The following NCOR1 variants were observed in gnomAD, a reference collection of about 807,000 sequenced individuals.
NCOR1 encodes the protein protein phosphatase 1, regulatory subunit 109.
Under a neutral mutation model 288.1 loss-of-function variants are expected in NCOR1, and 63 were observed. That is an observed-to-expected ratio of 0.22 (90% confidence interval 0.18 to 0.27). NCOR1 has a LOEUF of 0.27. NCOR1 is among the 10% of genes least tolerant of loss of function. The pLI is 1.00. For missense variants in NCOR1, 2,397 were observed against 3,019.2 expected (o/e 0.79, Z 4.83); for synonymous variants, 1,007 against 1,065.9 (o/e 0.94, Z 1.08).
intron 1 of NCOR1, among the ~76,000 whole-genome samples, chr17:16,203,916 G>T (rs1271929883): frequency 6.6e-6 from 1 of 152,030 alleles, no homozygotes; most frequent in African/African-American, 2.4e-5. Context: ...TCAATATTCA[G>T]CATTCAATAA....
chr17:16,187,437 A>T (rs2086898528), intron 2 of NCOR1, among the ~76,000 whole-genome samples: 1 of 152,102 alleles, frequency 6.6e-6, no homozygotes, highest in Non-Finnish European at 1.5e-5. Context: ...ACTAATGAAC[A>T]AATAAACAAA....
intron 42 of NCOR1, 124 bp downstream of exon 42, chr17:16,046,827 C>T: frequency 8.9e-7 from 1 of 1,123,964 alleles, no homozygotes; most frequent in Non-Finnish European, 1.3e-6. Context: ...ACTCTAGGAT[C>T]AGATGTGTTG....
chr17:16,175,056 G>C (rs964493478), intron 3 of NCOR1, among the ~76,000 whole-genome samples: 9 of 151,416 alleles, frequency 5.9e-5, no homozygotes, highest in Non-Finnish European at 1.3e-4. Context: ...AAACCTAACA[G>C]CAAATTTTCA....
Position 16,080,607 on chromosome 17 carries a change from C to A in NCOR1, c.3298G>T (p.Ala1100Ser). Residue 1100 changes from alanine (A) to serine (S), a missense_variant and splice_region_variant, in exon 24 of 46, where the codon GCT becomes TCT. Coordinates refer to ENST00000268712, the MANE Select transcript of NCOR1 (RefSeq NM_006311.4). ...LPRQQESAKS[A>S]TLPYIKQEEF... ...ATTATGACTGTATTAACTCACTGAC[C>A]TGATTTGGCAGATTCCTGTTGCCGT... The A allele has an allele frequency of 6.2e-7, 1 of 1,614,058 alleles. No homozygotes were observed. Among genetic ancestry groups the A allele is most frequent in the Non-Finnish European group, 8.5e-7 (1 of 1,179,984 alleles).
chr17:16,060,676 TC>T (rs1238072823), intron 37 of NCOR1, among the ~76,000 whole-genome samples: 1 of 152,202 alleles, frequency 6.6e-6, no homozygotes, highest in African/African-American at 2.4e-5. Context: ...ATTTTTTTTT[TC>T]ATGATGTCTA....
intron 3 of NCOR1, among the ~76,000 whole-genome samples, chr17:16,172,972 T>G (rs1196926409): frequency 6.6e-6 from 1 of 152,204 alleles, no homozygotes; most frequent in Non-Finnish European, 1.5e-5. Flanking sequence ...ATTTCTTTTT[T>G]GAGGCCCAGA....
chr17:16,104,027 G>T (rs917568348), intron 19 of NCOR1, among the ~76,000 whole-genome samples: 11 of 151,982 alleles, frequency 7.2e-5, no homozygotes, highest in African/African-American at 2.2e-4. Context: ...AGCCTTCCAT[G>T]GTTTCCTTAA....
intron 3 of NCOR1, among the ~76,000 whole-genome samples, chr17:16,176,338 G>A (rs188631059): frequency 6.4e-4 from 97 of 152,122 alleles, no homozygotes; most frequent in African/African-American, 2.2e-3. Context: ...GTGCGATCTC[G>A]CCTCACTGCC....
intron 2 of NCOR1, among the ~76,000 whole-genome samples, chr17:16,188,695 A>T (rs1035638494): frequency 6.6e-6 from 1 of 152,064 alleles, no homozygotes; most frequent in Non-Finnish European, 1.5e-5. Context: ...AAATAAAAGT[A>T]AAAAGGACCT....
At chr17:16,057,783 GC>G in intron 39 of NCOR1, 46 bp from the exon 40 acceptor site, 2 of 1,535,196 alleles carry the variant, frequency 1.3e-6, no homozygotes, top group Admixed American at 1.9e-5. Flanking sequence ...TTGAGTACTT[GC>G]AAAAAAAAAA....
At chr17:16,196,912 G>A (rs571087050) in intron 1 of NCOR1, among the ~76,000 whole-genome samples, 1 of 152,220 alleles carries the variant, frequency 6.6e-6, no homozygotes, top group African/African-American at 2.4e-5. Context: ...AGCTACCTGG[G>A]AGGCTGAAGC....
chr17:16,127,099 G>T (rs976557668), intron 14 of NCOR1, among the ~76,000 whole-genome samples: 3 of 105,038 alleles, frequency 2.9e-5, no homozygotes, highest in Non-Finnish European at 6.5e-5. Flanking sequence ...TTTATCATAG[G>T]TGTGTGTGTG....
intron 1 of NCOR1, among the ~76,000 whole-genome samples, chr17:16,199,943 C>CAGGT: frequency 6.6e-6 from 1 of 152,148 alleles, no homozygotes; most frequent in Non-Finnish European, 1.5e-5. Flanking sequence ...ATATTGCAAA[C>CAGGT]AGGTAATACA....
chr17:16,095,603 C>CA (rs2066394781), intron 21 of NCOR1, among the ~76,000 whole-genome samples: 1 of 42,056 alleles, frequency 2.4e-5, no homozygotes, highest in Non-Finnish European at 5.1e-5. Context: ...TCTGCCCGGC[C>CA]GCCCCTACTG....
chr17:16,205,836 C>G (rs1164400595), intron 1 of NCOR1, among the ~76,000 whole-genome samples: 1 of 150,048 alleles, frequency 6.7e-6, no homozygotes, highest in African/African-American at 2.5e-5. Context: ...ACTAGGGAGG[C>G]TGAGGCAGGA....
intron 6 of NCOR1, among the ~76,000 whole-genome samples, chr17:16,154,583 T>C (rs1179195410): frequency 6.6e-6 from 1 of 152,142 alleles, no homozygotes; most frequent in African/African-American, 2.4e-5. Context: ...AAGATATTGC[T>C]AACAAGGGAA....
At chr17:16,141,013 G>GAAAAAAAAAAAAAAAAAAAAAAAAAA (rs75591454) in intron 11 of NCOR1, among the ~76,000 whole-genome samples, 2 of 142,366 alleles carry the variant, frequency 1.4e-5, no homozygotes, top group African/African-American at 5.5e-5. Context: ...AAAAAAAAAG[G>GAAAAAAAAAAAAAAAAAAAAAAAAAA]AAAATTCACT....
chr17:16,189,881 A>G (rs937729108), intron 2 of NCOR1, among the ~76,000 whole-genome samples: 5 of 152,244 alleles, frequency 3.3e-5, no homozygotes, highest in Admixed American at 6.5e-5. Flanking sequence ...CAAACAGCAA[A>G]TAATAGCATA....
In NCOR1 at chr17:16,170,997, T is replaced by C. The variant is rs578183790; in HGVS notation, c.435+806A>G. On this transcript the variant is annotated intron_variant, in intron 4 of 45. Coordinates refer to ENST00000268712, the MANE Select transcript of NCOR1 (RefSeq NM_006311.4). ...TGAAATGTCACAAAATATAGCTAAA[T>C]ATTAAAACTTATCTTTGTACAGCAT... Among the ~76,000 whole-genome samples the C allele has an allele frequency of 3.3e-5, 5 of 152,212 alleles. No homozygotes were observed. The South Asian group carries it at 1.0e-3, about 32-fold the overall frequency.
Sources: gnomAD v4.1 joint callset for allele counts (sites outside exome capture counted in the v4.1 genomes callset) on GRCh38, gnomAD v4.1.1 for gene constraint, MANE v1.5 for transcripts, NCBI Gene and HGNC (gene_info 2026-07-23, HGNC 2026-07-21) for gene names.